The following DCDC2C variants were observed in gnomAD, a reference collection of about 807,000 sequenced individuals.
The protein encoded by DCDC2C is doublecortin domain-containing protein 2C.
DCDC2C carries 44 observed loss-of-function variants against 45.0 expected under a neutral mutation model. That is an observed-to-expected ratio of 0.98 (90% CI 0.77 to 1.26). The LOEUF (loss-of-function observed/expected upper bound fraction) is 1.26, where lower values mean the gene tolerates loss of function less well. Among genes scored for constraint, DCDC2C ranks in the 50% most tolerant of loss-of-function variants. The pLI, the probability that DCDC2C is intolerant of heterozygous loss-of-function variation, is 0.00. For missense variants in DCDC2C, 447 were observed against 468.9 expected (o/e 0.95, Z 0.43); for synonymous variants, 187 against 178.8 (o/e 1.05, Z -0.37).
chr2:3,712,396 T>G (rs1206980703), intron 2 of DCDC2C, among the ~76,000 whole-genome samples: 3 of 151,210 alleles, frequency 2.0e-5, no homozygotes, highest in Non-Finnish European at 4.4e-5. Context: ...CCAGGTGCCA[T>G]GGCTCACACC....
intron 4 of DCDC2C, among the ~76,000 whole-genome samples, chr2:3,743,350 C>G (rs942278740): frequency 6.6e-6 from 1 of 152,176 alleles, no homozygotes; most frequent in Non-Finnish European, 1.5e-5. Flanking sequence ...AATACATCAT[C>G]CAGACAGAAA....
At chr2:3,816,345 TG>T (rs1478755640) in intron 10 of DCDC2C, among the ~76,000 whole-genome samples, 2 of 152,254 alleles carry the variant, frequency 1.3e-5, no homozygotes, top group Non-Finnish European at 2.9e-5. Flanking sequence ...GGTGAGTTTT[TG>T]GGCTCTATCC....
intron 10 of DCDC2C, among the ~76,000 whole-genome samples, chr2:3,804,709 T>C (rs953586433): frequency 3.9e-5 from 6 of 152,230 alleles, no homozygotes; most frequent in Non-Finnish European, 5.9e-5. Flanking sequence ...GAGTGATTAG[T>C]TGTTATAACA....
intron 10 of DCDC2C, among the ~76,000 whole-genome samples, chr2:3,805,343 T>G (rs1264721592): frequency 1.3e-5 from 2 of 152,054 alleles, no homozygotes; most frequent in African/African-American, 4.8e-5. Context: ...AGGCTCAGAG[T>G]GTGATTGACA....
At chr2:3,830,667 A>C (rs2148234283) in intron 10 of DCDC2C, among the ~76,000 whole-genome samples, 1 of 152,196 alleles carries the variant, frequency 6.6e-6, no homozygotes, top group South Asian at 2.1e-4. Context: ...GGCAGGTTAA[A>C]GGGGAGCCAT....
chr2:3,752,904 A>G lies in DCDC2C; in HGVS notation c.683+4A>G, dbSNP rs1215555390. ...GGGTGCCCAGTGAGGTCCAACAGTG[A>G]GCATGCTTCGTACCTTTCTTTCCTG... On this transcript the variant is annotated splice_donor_region_variant and intron_variant, in intron 5 of 10. Transcript: ENST00000399143. 6.5e-7 allele frequency: 1 copy of G among 1,550,024 alleles called. No individual in the cohort carries two copies. Among genetic ancestry groups the G allele is most frequent in the Non-Finnish European group, 8.7e-7 (1 of 1,146,722 alleles).
rs899748860 is a variant in DCDC2C at position 3,744,581 on chromosome 2, T to C, written c.545+2533T>C. 2.6e-5 allele frequency among the ~76,000 whole-genome samples: 4 copies of C among 152,318 alleles called. No homozygotes were observed. The East Asian group carries it at 7.7e-4, about 29-fold the overall frequency. On this transcript the variant is annotated intron_variant, in intron 4 of 10. Coordinates refer to ENST00000399143, the MANE Select transcript of DCDC2C (RefSeq NM_001287444.2). ...AGGAGGAGGCCGCCGTGGGCAGTGATGGTCCCCTGATGGTAGACGCTGTGG... is the reference window on the plus strand; with the variant it reads ...AGGAGGAGGCCGCCGTGGGCAGTGACGGTCCCCTGATGGTAGACGCTGTGG...
intron 10 of DCDC2C, among the ~76,000 whole-genome samples, chr2:3,812,114 C>T (rs559354083): frequency 6.6e-6 from 1 of 151,988 alleles, no homozygotes; most frequent in Non-Finnish European, 1.5e-5. Flanking sequence ...GATGGACTCC[C>T]TCATTTTCAA....
chr2:3,745,042 A>G lies in DCDC2C; in HGVS notation c.545+2994A>G, dbSNP rs543788978. On this transcript the variant is annotated intron_variant, in intron 4 of 10. Transcript: ENST00000399143. ...GCTCTGTTGCCTGGGCTGGAGTGCA[A>G]TGGTGCAATCTCGGCTCACTGCAAC... is the stretch of plus-strand genomic sequence containing the variant. Among the ~76,000 whole-genome samples, 22 of 152,242 alleles carry G rather than the reference A, an allele frequency of 1.4e-4. No individual in the cohort carries two copies. The South Asian group carries it at 3.7e-3, about 26-fold the overall frequency.
In DCDC2C at chr2:3,703,598, CCCCCGTCCCGT is replaced by C. The variant is rs1370089273; in HGVS notation, c.-134_-124del. The C allele has an allele frequency of 6.3e-3, 4,590 of 730,240 alleles. 37 individuals carry two copies. Among genetic ancestry groups the C allele is most frequent in the African/African-American group, 0.028 (1,490 of 53,620 alleles). 45.2% of individuals were successfully genotyped at this position (730,240 alleles called of 1,614,324 possible). A position where few individuals can be genotyped will look rare whatever the true frequency, so the allele number is the denominator to read the frequency against. The stretch of plus-strand genomic sequence containing the variant: ...GCAGCCCCGTCCCGTCCCCGTCCAG[CCCCCGTCCCGT>C]CCCCGTCCCGTCCCCGTCCTGCGCC... On this transcript the variant is annotated 5_prime_UTR_variant, in exon 1 of 11. Transcript: ENST00000399143. The surrounding 1 kb of genome is among the most constrained non-coding windows in gnomAD (Gnocchi z 4.4).
intron 4 of DCDC2C, among the ~76,000 whole-genome samples, chr2:3,744,236 A>G (rs73144828): frequency 0.018 from 2,788 of 152,216 alleles, 82 homozygotes; most frequent in African/African-American, 0.064. Context: ...ATGAGGTGAG[A>G]GCAGAGAGGG....
chr2:3,743,837 G>A (rs189919678), intron 4 of DCDC2C, among the ~76,000 whole-genome samples: 2 of 152,328 alleles, frequency 1.3e-5, no homozygotes, highest in Admixed American at 1.3e-4. Flanking sequence ...GGAGGCCGAG[G>A]CCGGTGGATC....
chr2:3,820,596 A>C (rs1273934945), intron 10 of DCDC2C, among the ~76,000 whole-genome samples: 1 of 152,148 alleles, frequency 6.6e-6, no homozygotes, highest in African/African-American at 2.4e-5. Context: ...ACACCAAGGG[A>C]AGACTGTCTT....
At chr2:3,785,336 C>A (rs1670621151) in intron 10 of DCDC2C, among the ~76,000 whole-genome samples, 1 of 152,166 alleles carries the variant, frequency 6.6e-6, no homozygotes, top group Non-Finnish European at 1.5e-5. Context: ...CAAATAAGAA[C>A]CAGGAGTAAA....
At chr2:3,747,184 C>T (rs1412434327) in intron 4 of DCDC2C, among the ~76,000 whole-genome samples, 1 of 152,210 alleles carries the variant, frequency 6.6e-6, no homozygotes, top group Admixed American at 6.5e-5. Flanking sequence ...TCCCGTGGCC[C>T]ACACCTGTGA....
At chr2:3,771,723 GC>G (rs1670175962) in intron 8 of DCDC2C, among the ~76,000 whole-genome samples, 1 of 152,192 alleles carries the variant, frequency 6.6e-6, no homozygotes, top group African/African-American at 2.4e-5. Flanking sequence ...CGGGTGGGTG[GC>G]TGCATCCGAG....
At chr2:3,806,891 T>TG (rs1671262872) in intron 10 of DCDC2C, among the ~76,000 whole-genome samples, 1 of 152,024 alleles carries the variant, frequency 6.6e-6, no homozygotes, top group South Asian at 2.1e-4. Flanking sequence ...TCTGGGTAGG[T>TG]GATGCTTCCA....
chr2:3,728,500 A>G (rs1320151695), intron 3 of DCDC2C, among the ~76,000 whole-genome samples: 4 of 152,160 alleles, frequency 2.6e-5, no homozygotes, highest in Admixed American at 2.6e-4. Flanking sequence ...GCCACATTTT[A>G]TGTGCGTGAC....
At chr2:3,751,279 C>T (rs1296832347) in intron 4 of DCDC2C, among the ~76,000 whole-genome samples, 9 of 152,332 alleles carry the variant, frequency 5.9e-5, no homozygotes. Flanking sequence ...TCCTGATTTA[C>T]TCCTGGGGAT....
Sources: gnomAD v4.1 joint callset for allele counts (sites outside exome capture counted in the v4.1 genomes callset) on GRCh38, gnomAD v4.1.1 for gene constraint, Gnocchi (gnomAD v3.1) non-coding constraint, MANE v1.5 for transcripts, NCBI Gene and HGNC (gene_info 2026-07-23, HGNC 2026-07-21) for gene names.